The following NUMB variants were observed in gnomAD, a reference collection of about 807,000 sequenced individuals.
NUMB encodes NUMB endocytic adaptor protein, also known as protein numb homolog.
Under a neutral mutation model 59.7 loss-of-function variants are expected in NUMB, and 29 were observed. That is an observed-to-expected ratio of 0.49 (90% CI 0.36 to 0.66). The LOEUF (loss-of-function observed/expected upper bound fraction) is 0.66. NUMB is among the 30% of genes least tolerant of loss of function. The pLI is 0.00. For synonymous variants in NUMB, 288 were observed against 288.2 expected (o/e 1.00, Z 0.01); for missense variants, 723 against 822.0 (o/e 0.88, Z 1.47).
chr14:73,294,261 G>T (rs541978392), intron 7 of NUMB, among the ~76,000 whole-genome samples: 2 of 152,160 alleles, frequency 1.3e-5, no homozygotes, highest in Non-Finnish European at 1.5e-5. Flanking sequence ...AGGCTGGAGT[G>T]CAGTGGCGCA....
Position 73,307,728 on chromosome 14 carries a change from CTTTTT to C in NUMB, c.234+8657_234+8661del, listed in dbSNP as rs34429117. 2.9e-4 allele frequency among the ~76,000 whole-genome samples: 28 copies of C among 95,486 alleles called. 1 individual carries two copies. Among genetic ancestry groups the C allele is most frequent in the Middle Eastern group, 6.0e-3 (1 of 168 alleles). The allele number at this position is 95,486 out of a possible 152,430, so 62.6% of individuals were successfully genotyped here. A position where few individuals can be genotyped will look rare whatever the true frequency, so the allele number is the denominator to read the frequency against. On this transcript the variant is annotated intron_variant, in intron 6 of 12. Coordinates refer to ENST00000555238, the MANE Select transcript of NUMB (RefSeq NM_001005743.2). ...TGAAGCAACATAATCGGGCCTCTGTCTTTTTTTTTTTTTTTTTTTTTTGAGACGGA... is the reference window on the plus strand; with the variant it reads ...TGAAGCAACATAATCGGGCCTCTGTCTTTTTTTTTTTTTTTTTGAGACGGA...
At chr14:73,327,060 A>AC (rs1891699730) in intron 4 of NUMB, among the ~76,000 whole-genome samples, 1 of 152,096 alleles carries the variant, frequency 6.6e-6, no homozygotes, top group South Asian at 2.1e-4. Context: ...TAAAAAAAAA[A>AC]CAGGTTCTTT....
chr14:73,340,076 C>T (rs1349961292), intron 4 of NUMB, among the ~76,000 whole-genome samples: 1 of 152,180 alleles, frequency 6.6e-6, no homozygotes, highest in Non-Finnish European at 1.5e-5. Context: ...ACTGATTAGG[C>T]TCTGGCCATT....
At chr14:73,395,037 T>TGTGTGTGTGTGTG (rs1896053515) in intron 2 of NUMB, among the ~76,000 whole-genome samples, 4 of 119,922 alleles carry the variant, frequency 3.3e-5, no homozygotes, top group Non-Finnish European at 6.8e-5. Context: ...ATTCGTGTGT[T>TGTGTGTGTGTGTG]TGTGTGTGTG....
chr14:73,324,227 C>G (rs1412347055), intron 4 of NUMB, among the ~76,000 whole-genome samples: 1 of 152,190 alleles, frequency 6.6e-6, no homozygotes, highest in Non-Finnish European at 1.5e-5. Context: ...GACTTTTTAT[C>G]TGCATAACAA....
At chr14:73,306,797 T>A (rs1176445421) in intron 6 of NUMB, among the ~76,000 whole-genome samples, 1 of 152,212 alleles carries the variant, frequency 6.6e-6, no homozygotes, top group African/African-American at 2.4e-5. Context: ...CACAACAGGG[T>A]GAACTTGAGC....
At position 73,276,649 on chromosome 14, in the gene NUMB, G is replaced by C; in HGVS notation, c.1885C>G (p.Gln629Glu). 2.5e-6 allele frequency: 4 copies of C among 1,614,226 alleles called. No individual in the cohort carries two copies. Among genetic ancestry groups the C allele is most frequent in the Non-Finnish European group, 3.4e-6 (4 of 1,180,034 alleles). ...TTGGTAGGGGAGGGATTAGTACGCT[G>C]CTTGGACTTATTTTCTAATGCAGCC... is the stretch of plus-strand genomic sequence containing the variant. ...QWAALENKSK[Q>E]RTNPSPTNPF... is the part of the protein sequence containing the mutation. Residue 629 changes from glutamine to glutamate, a missense_variant, in exon 13 of 13, where the codon CAG becomes GAG. Physicochemically the swap from Gln to Glu is conservative, Grantham distance 29. Around this residue, in one of 2 missense-constraint regions of NUMB, gnomAD observed 406 missense variants for 385.4 expected, o/e 1.05. Transcript: ENST00000555238.
At chr14:73,303,778 G>A (rs1243941460) in intron 6 of NUMB, among the ~76,000 whole-genome samples, 1 of 85,420 alleles carries the variant, frequency 1.2e-5, no homozygotes, top group African/African-American at 6.2e-5. Flanking sequence ...TCACAATAAA[G>A]ACAAAAATCC....
At chr14:73,294,950 T>TTAAAAAAAAAAAAAAAAA (rs1419411157) in intron 7 of NUMB, among the ~76,000 whole-genome samples, 8 of 24,386 alleles carry the variant, frequency 3.3e-4, no homozygotes, top group African/African-American at 1.7e-3. Flanking sequence ...AACCCATCTC[T>TTAAAAAAAAAAAAAAAAA]AAAAAAAAAA....
intron 9 of NUMB, chr14:73,286,233 A>G (rs1888996533): frequency 9.3e-6 from 1 of 107,442 alleles, no homozygotes; most frequent in African/African-American, 3.7e-5. Flanking sequence ...TAAGGGATAG[A>G]GTCTATGTTG....
chr14:73,298,479 A>C (rs370670143), intron 6 of NUMB: 4 of 152,218 alleles, frequency 2.6e-5, no homozygotes, highest in Non-Finnish European at 4.4e-5. Flanking sequence ...TTTTTGGCAC[A>C]TGAGAATCAC....
chr14:73,405,807 T>C (rs1896634681), intron 2 of NUMB, among the ~76,000 whole-genome samples: 1 of 152,112 alleles, frequency 6.6e-6, no homozygotes, highest in Admixed American at 6.6e-5. Context: ...CTTCTCTCTC[T>C]GTCCATAGGA....
At chr14:73,280,034 G>C (rs528004976) in intron 11 of NUMB, among the ~76,000 whole-genome samples, 2 of 152,262 alleles carry the variant, frequency 1.3e-5, no homozygotes, top group Admixed American at 1.3e-4. Flanking sequence ...GTGTGCACTT[G>C]TAAACCTAGC....
intron 2 of NUMB, among the ~76,000 whole-genome samples, chr14:73,407,953 C>G (rs1320551842): frequency 6.6e-6 from 1 of 152,100 alleles, no homozygotes; most frequent in Non-Finnish European, 1.5e-5. Flanking sequence ...CTTGGCCGGG[C>G]GTGGTGGCTC....
At chr14:73,419,238 C>T (rs112286376) in intron 1 of NUMB, among the ~76,000 whole-genome samples, 23,821 of 152,114 alleles carry the variant, frequency 0.16, 2,702 homozygotes, top group Non-Finnish European at 0.23. Context: ...GGGCTGGGCG[C>T]GGTGGCTCAC....
At chr14:73,433,540 A>G (rs952193122) in intron 1 of NUMB, among the ~76,000 whole-genome samples, 2 of 152,158 alleles carry the variant, frequency 1.3e-5, no homozygotes, top group Non-Finnish European at 2.9e-5. Context: ...TTTAAACGTT[A>G]CATTTTCAGA....
chr14:73,343,026 T>A (rs1044727324), intron 4 of NUMB, among the ~76,000 whole-genome samples: 2 of 149,530 alleles, frequency 1.3e-5, no homozygotes, highest in Non-Finnish European at 3.0e-5. Context: ...AAAGATGGAG[T>A]CTCCCTATGT....
intron 2 of NUMB, among the ~76,000 whole-genome samples, chr14:73,390,563 G>A (rs990938407): frequency 3.2e-4 from 46 of 143,240 alleles, no homozygotes; most frequent in Non-Finnish European, 6.1e-5. Flanking sequence ...TCACTCTTGA[G>A]ATACCTTTGT....
chr14:73,292,486 C>G (rs894103299), intron 8 of NUMB, among the ~76,000 whole-genome samples: 1 of 152,218 alleles, frequency 6.6e-6, no homozygotes, highest in African/African-American at 2.4e-5. Context: ...CAACCACTAT[C>G]ACCAGACCAT....
Sources: gnomAD v4.1 joint callset for allele counts (sites outside exome capture counted in the v4.1 genomes callset) on GRCh38, gnomAD v4.1.1 for gene constraint, gnomAD v4.1.1 regional missense constraint, MANE v1.5 for transcripts, NCBI Gene and HGNC (gene_info 2026-07-23, HGNC 2026-07-21) for gene names.